The following LAMA2 variants were observed in gnomAD, a reference collection of about 807,000 sequenced individuals.
The protein encoded by LAMA2 is laminin subunit alpha-2.
LAMA2 carries 269 observed loss-of-function variants against 364.8 expected under a neutral mutation model. The ratio of observed to expected loss-of-function variants is 0.74; its 90% CI spans 0.67 to 0.82. The LOEUF (loss-of-function observed/expected upper bound fraction) is 0.82, where lower values mean the gene tolerates loss of function less well. LAMA2 is among the 40% of genes least tolerant of loss of function. The pLI, the probability that LAMA2 is intolerant of heterozygous loss-of-function variation, is 0.00. For missense variants in LAMA2, 3,807 were observed against 3,873.2 expected (o/e 0.98, Z 0.45); for synonymous variants, 1,379 against 1,370.6 (o/e 1.01, Z -0.14).
intron 37 of LAMA2, among the ~76,000 whole-genome samples, chr6:129,394,326 T>C (rs1215278459): frequency 6.6e-6 from 1 of 152,240 alleles, no homozygotes; most frequent in Non-Finnish European, 1.5e-5. Flanking sequence ...TGTAGAAATG[T>C]TTGTTGAATG....
intron 22 of LAMA2, among the ~76,000 whole-genome samples, chr6:129,306,424 T>C (rs1773880436): frequency 6.6e-6 from 1 of 151,350 alleles, no homozygotes; most frequent in Non-Finnish European, 1.5e-5. Context: ...ATTATGCTTT[T>C]TGTTTTCTTT....
intron 32 of LAMA2, among the ~76,000 whole-genome samples, chr6:129,361,500 A>G (rs1777458310): frequency 6.6e-6 from 1 of 152,318 alleles, no homozygotes; most frequent in East Asian, 1.9e-4. Flanking sequence ...CAGATCTTCC[A>G]CTGTCACGCC....
intron 1 of LAMA2, among the ~76,000 whole-genome samples, chr6:128,993,903 T>C (rs1488642382): frequency 1.3e-5 from 2 of 152,198 alleles, no homozygotes; most frequent in Admixed American, 6.5e-5. Context: ...CTAATCAACT[T>C]GAACAATACA....
intron 3 of LAMA2, among the ~76,000 whole-genome samples, chr6:129,079,559 T>G (rs547294491): frequency 3.2e-4 from 48 of 151,952 alleles, no homozygotes; most frequent in African/African-American, 1.1e-3. Flanking sequence ...TTCTGTTTTT[T>G]TTTTTTTCTT....
In LAMA2 at chr6:129,172,346, G is replaced by A. The variant is rs538331916; in HGVS notation, c.1307-5360G>A. 3.3e-5 allele frequency among the ~76,000 whole-genome samples: 5 copies of A among 152,284 alleles called. 1 individual carries two copies. The South Asian group carries it at 1.0e-3, about 32-fold the overall frequency. The stretch of plus-strand genomic sequence containing the variant: ...CTTTGATGATGGTGATGTACAGATG[G>A]GTTTTTCGTGTGGATGTCCTTTCTG... On this transcript the variant is annotated intron_variant, in intron 9 of 64. Coordinates refer to ENST00000421865, the MANE Select transcript of LAMA2 (RefSeq NM_000426.4).
At chr6:129,194,973 G>T (rs1045296593) in intron 12 of LAMA2, among the ~76,000 whole-genome samples, 5 of 152,236 alleles carry the variant, frequency 3.3e-5, no homozygotes, top group African/African-American at 1.2e-4. Context: ...ATTGCTGTTC[G>T]AATCAGAACC....
chr6:129,074,509 C>A (rs1773507165), intron 3 of LAMA2, among the ~76,000 whole-genome samples: 1 of 152,180 alleles, frequency 6.6e-6, no homozygotes, highest in South Asian at 2.1e-4. Flanking sequence ...CCTTAATTTG[C>A]TTCCCTTTAC....
intron 1 of LAMA2, among the ~76,000 whole-genome samples, chr6:128,958,938 C>T (rs1781312395): frequency 6.6e-6 from 1 of 152,112 alleles, no homozygotes; most frequent in African/African-American, 2.4e-5. Context: ...GTATGGAAGA[C>T]AAAGATTGAG....
chr6:129,449,799 C>CTTTT (rs567411928), intron 45 of LAMA2, among the ~76,000 whole-genome samples: 4 of 123,174 alleles, frequency 3.2e-5, no homozygotes, highest in Non-Finnish European at 6.7e-5. Flanking sequence ...GTCTGCTACA[C>CTTTT]TTTTTTTTTT....
intron 29 of LAMA2, among the ~76,000 whole-genome samples, chr6:129,333,662 G>T (rs1435834455): frequency 6.6e-6 from 1 of 152,050 alleles, no homozygotes. Context: ...TCAACTGCTT[G>T]CCTGACAAAT....
chr6:128,888,613 G>A (rs1378097109), intron 1 of LAMA2, among the ~76,000 whole-genome samples: 1 of 152,154 alleles, frequency 6.6e-6, no homozygotes, highest in East Asian at 1.9e-4. Flanking sequence ...TGAAGATGAC[G>A]TGGGAGTGAT....
At chr6:129,394,917 A>G (rs1397224417) in intron 37 of LAMA2, among the ~76,000 whole-genome samples, 1 of 152,180 alleles carries the variant, frequency 6.6e-6, no homozygotes, top group Non-Finnish European at 1.5e-5. Context: ...TTTTCCTTGT[A>G]TGTGCCACGT....
At chr6:129,284,967 C>G (rs536959509) in intron 18 of LAMA2, among the ~76,000 whole-genome samples, 2 of 152,208 alleles carry the variant, frequency 1.3e-5, no homozygotes, top group African/African-American at 2.4e-5. Flanking sequence ...GCAAGGCATT[C>G]ATTCGATAAA....
chr6:129,505,547 C>T (rs1337176419), intron 61 of LAMA2, among the ~76,000 whole-genome samples, 192 bp downstream of exon 61: 2 of 151,974 alleles, frequency 1.3e-5, no homozygotes, highest in East Asian at 3.9e-4. Flanking sequence ...CTCGCTCTGT[C>T]GCCCAGGCTG....
At chr6:129,225,332 C>A (rs1172705269) in intron 12 of LAMA2, among the ~76,000 whole-genome samples, 1 of 152,154 alleles carries the variant, frequency 6.6e-6, no homozygotes, top group Admixed American at 6.5e-5. Flanking sequence ...ACTCTATCTC[C>A]TTCAGTTCTG....
chr6:129,276,580 C>T lies in LAMA2; in HGVS notation c.2451-3481C>T, dbSNP rs370522918. ...CCCACAGAAGAAGTTTCCCTAATGTCTGATAATCAGGAATTGTTGAGCTTC... is the reference window on the plus strand; with the variant it reads ...CCCACAGAAGAAGTTTCCCTAATGTTTGATAATCAGGAATTGTTGAGCTTC... On this transcript the variant is annotated intron_variant, in intron 17 of 64. Coordinates refer to ENST00000421865, the MANE Select transcript of LAMA2 (RefSeq NM_000426.4). Among the ~76,000 whole-genome samples, 500 of 152,122 alleles carry T rather than the reference C, an allele frequency of 3.3e-3. 4 individuals carry two copies. Among genetic ancestry groups the T allele is most frequent in the African/African-American group, 0.011 (476 of 41,524 alleles).
intron 38 of LAMA2, 110 bp from the exon 39 acceptor site, chr6:129,402,214 A>AAAAAC (rs1780016932): frequency 1.2e-6 from 1 of 852,292 alleles, no homozygotes; most frequent in African/African-American, 1.8e-5. Flanking sequence ...GTCTCAAAAA[A>AAAAAC]AAAAAAAAAA....
chr6:129,409,884 C>T (rs1342967013), intron 40 of LAMA2, among the ~76,000 whole-genome samples: 2 of 152,186 alleles, frequency 1.3e-5, no homozygotes, highest in African/African-American at 2.4e-5. Flanking sequence ...TTTTAACACA[C>T]CCAGGAACAA....
At chr6:128,983,038 G>A (rs547926056) in intron 1 of LAMA2, among the ~76,000 whole-genome samples, 14 of 151,530 alleles carry the variant, frequency 9.2e-5, no homozygotes, top group African/African-American at 3.2e-4. Flanking sequence ...TTGGTTCCAA[G>A]TCTTTGCTAT....
Sources: gnomAD v4.1 joint callset for allele counts (sites outside exome capture counted in the v4.1 genomes callset) on GRCh38, gnomAD v4.1.1 for gene constraint, MANE v1.5 for transcripts, NCBI Gene and HGNC (gene_info 2026-07-23, HGNC 2026-07-21) for gene names.